Variants in ZDHHC14 observed in about 807,000 individuals in gnomAD.
ZDHHC14 encodes palmitoyltransferase ZDHHC14.
In ZDHHC14, 16 loss-of-function variants were observed where a neutral mutation model predicts 47.7. The ratio of observed to expected loss-of-function variants is 0.34; its 90% CI spans 0.23 to 0.51. ZDHHC14 has a LOEUF of 0.51. Among genes scored for constraint, ZDHHC14 ranks in the 20% least tolerant of loss-of-function variants. ZDHHC14 has a pLI of 0.97. For missense variants in ZDHHC14, 515 were observed against 662.5 expected (o/e 0.78, Z 2.44); for synonymous variants, 293 against 278.9 (o/e 1.05, Z -0.50).
Position 157,391,902 on chromosome 6 carries a change from T to C in ZDHHC14, c.245+9636T>C, listed in dbSNP as rs562606453. Among the ~76,000 whole-genome samples, 26 of 152,392 alleles carry C rather than the reference T, an allele frequency of 1.7e-4. No individual in the cohort carries two copies. In the South Asian group the frequency reaches 5.4e-3, roughly 32 times the overall value. On this transcript the variant is annotated intron_variant, in intron 1 of 8. Transcript: ENST00000359775. ...GTATTTCTCGGATTCATTTATGTTT[T>C]TGCATATATATGTAATTCATTTTTA...
At chr6:157,407,880 C>T (rs916170213) in intron 1 of ZDHHC14, among the ~76,000 whole-genome samples, 3 of 152,170 alleles carry the variant, frequency 2.0e-5, no homozygotes, top group African/African-American at 7.2e-5. Context: ...AGTAAACTTA[C>T]CATGAACTTC....
At chr6:157,423,328 C>A (rs1241153640) in intron 1 of ZDHHC14, among the ~76,000 whole-genome samples, 1 of 152,142 alleles carries the variant, frequency 6.6e-6, no homozygotes, top group African/African-American at 2.4e-5. Flanking sequence ...TAGGAGGACT[C>A]TTGAAAATCC....
Position 157,502,460 on chromosome 6 carries a change from A to G in ZDHHC14, c.246-40125A>G, listed in dbSNP as rs1049115666. Among the ~76,000 whole-genome samples, 4 of 152,202 alleles carry G rather than the reference A, an allele frequency of 2.6e-5. No individual in the cohort carries two copies. The highest frequency in any genetic ancestry group is 2.6e-4 in the Admixed American group (4 of 15,278). The stretch of plus-strand genomic sequence containing the variant: ...TGAATGATCCTGTTCAAGGGTTTTC[A>G]AAACCTGCCTTGGAAAGAAAGTCCA... On this transcript the variant is annotated intron_variant, in intron 1 of 8. Coordinates refer to ENST00000359775, the MANE Select transcript of ZDHHC14 (RefSeq NM_024630.3). The surrounding 1 kb of genome is among the most constrained non-coding windows in gnomAD (Gnocchi z 4.0).
intron 7 of ZDHHC14, among the ~76,000 whole-genome samples, chr6:157,650,651 AAGAG>A (rs66554628): frequency 0.22 from 32,685 of 145,438 alleles, 3,633 homozygotes; most frequent in African/African-American, 0.29. Flanking sequence ...TTAAAAAAAA[AAGAG>A]AGAGAGAGAG....
chr6:157,627,579 G>A (rs576000687), intron 3 of ZDHHC14, among the ~76,000 whole-genome samples: 1 of 152,322 alleles, frequency 6.6e-6, no homozygotes, highest in Admixed American at 6.5e-5. Flanking sequence ...GGTACCATGG[G>A]TAACCATGTG....
intron 3 of ZDHHC14, among the ~76,000 whole-genome samples, chr6:157,609,966 A>G (rs34192579): frequency 0.7 from 107,114 of 152,190 alleles, 38,141 homozygotes; most frequent in African/African-American, 0.8. Flanking sequence ...CTCACAACAT[A>G]CTTTTTGGAA....
chr6:157,617,059 C>T (rs1369970188), intron 3 of ZDHHC14, among the ~76,000 whole-genome samples: 2 of 152,164 alleles, frequency 1.3e-5, no homozygotes, highest in African/African-American at 2.4e-5. Context: ...GAATGGCAGC[C>T]TCATGGAAAG....
At chr6:157,466,137 CA>C (rs1020754132) in intron 1 of ZDHHC14, among the ~76,000 whole-genome samples, 1 of 152,204 alleles carries the variant, frequency 6.6e-6, no homozygotes, top group Admixed American at 6.5e-5. Context: ...GCCTGATCCT[CA>C]GCTGCCTCTC....
In ZDHHC14 at chr6:157,647,164, T is replaced by C. The variant is rs755092542; in HGVS notation, c.856-95T>C. 231 of 803,730 alleles carry C rather than the reference T, an allele frequency of 2.9e-4. 1 individual carries two copies. Among genetic ancestry groups the C allele is most frequent in the Non-Finnish European group, 4.5e-4 (225 of 500,602 alleles). The allele number at this position is 803,730 out of a possible 1,614,324, so 49.8% of individuals were successfully genotyped here. On this transcript the variant is annotated intron_variant, in intron 6 of 8. Transcript: ENST00000359775. The stretch of plus-strand genomic sequence containing the variant: ...CTCCATTTCTTTGGATTAAAGATGA[T>C]TTGCATTCTTTATGAGCCTCTCATG...
rs567923482 is a variant in ZDHHC14, at chr6:157,557,715, T to C, written c.406+14970T>C. On this transcript the variant is annotated intron_variant, in intron 2 of 8. Transcript: ENST00000359775. The stretch of plus-strand genomic sequence containing the variant: ...TCTGCAGACTTCCTCGTTTCATTTC[T>C]GTAACCACTGAGAGGAGTGTGAGCA... Among the ~76,000 whole-genome samples the C allele has an allele frequency of 6.6e-5, 10 of 152,350 alleles. No homozygotes were observed. The South Asian group carries it at 2.1e-3, about 32-fold the overall frequency.
intron 8 of ZDHHC14, among the ~76,000 whole-genome samples, chr6:157,655,397 C>T (rs990258699): frequency 1.3e-5 from 2 of 152,180 alleles, no homozygotes; most frequent in African/African-American, 4.8e-5. Flanking sequence ...TCAAAACTAG[C>T]CTGGCGACTC....
Position 157,673,154 on chromosome 6 carries a change from G to A in ZDHHC14, c.*32G>A, listed in dbSNP as rs759823234. 1 of 1,537,614 alleles carries A rather than the reference G, an allele frequency of 6.5e-7. No homozygotes were observed. Among genetic ancestry groups the A allele is most frequent in the South Asian group, 1.2e-5 (1 of 82,652 alleles). On this transcript the variant is annotated 3_prime_UTR_variant, in exon 9 of 9. Transcript: ENST00000359775. This position sits in a 1 kb window ranked among gnomAD's most constrained non-coding sequence, Gnocchi z 5.4. ...TGGCCCCAGGCCGGGGGACACCAGAGGCTCCTCCATGGGCAGCAGGAGTGA... is the reference window on the plus strand; with the variant it reads ...TGGCCCCAGGCCGGGGGACACCAGAAGCTCCTCCATGGGCAGCAGGAGTGA...
rs1486934751 is a variant in ZDHHC14, at chr6:157,676,172, A to T, written c.*3050A>T. ...CGGGAGGGCCCCAGGAAGCAGGGGG[A>T]TGCTGCAGGAAGGTGGCAGACAGAC... On this transcript the variant is annotated 3_prime_UTR_variant, in exon 9 of 9. Transcript: ENST00000359775. The T allele has an allele frequency of 6.6e-6, 1 of 152,258 alleles. No individual in the cohort carries two copies. The highest frequency in any genetic ancestry group is 1.5e-5 in the Non-Finnish European group (1 of 68,062). The allele number at this position is 152,258 out of a possible 1,614,324, so 9.4% of individuals were successfully genotyped here.
At chr6:157,499,800 T>C (rs1471495510) in intron 1 of ZDHHC14, among the ~76,000 whole-genome samples, 1 of 152,218 alleles carries the variant, frequency 6.6e-6, no homozygotes, top group Non-Finnish European at 1.5e-5. Flanking sequence ...AGGGATGTGT[T>C]TGAATTTTAT....
intron 1 of ZDHHC14, among the ~76,000 whole-genome samples, chr6:157,403,619 A>C (rs1583615892): frequency 6.6e-6 from 1 of 152,348 alleles, no homozygotes; most frequent in East Asian, 1.9e-4. Flanking sequence ...CTTTGGGAAG[A>C]CACATTCCCA....
rs1777859501 is a variant in ZDHHC14 at position 157,410,916 on chromosome 6, C to T, written c.245+28650C>T. Among the ~76,000 whole-genome samples the T allele has an allele frequency of 2.0e-5, 3 of 152,202 alleles. No individual in the cohort carries two copies. In the South Asian group the frequency reaches 6.2e-4, roughly 32 times the overall value. On this transcript the variant is annotated intron_variant, in intron 1 of 8. Coordinates refer to ENST00000359775, the MANE Select transcript of ZDHHC14 (RefSeq NM_024630.3). ...TTCACCATGTTGGCCAGGATGGTCT[C>T]GATCTTCTGACCTCGTGATCTGCCC...
chr6:157,526,088 C>G (rs1781142952), intron 1 of ZDHHC14, among the ~76,000 whole-genome samples: 2 of 152,194 alleles, frequency 1.3e-5, no homozygotes, highest in Non-Finnish European at 2.9e-5. Context: ...AAACAAGAAA[C>G]AGCAGGGAAG....
At chr6:157,652,874 C>T (rs1777904143) in intron 7 of ZDHHC14, among the ~76,000 whole-genome samples, 1 of 152,048 alleles carries the variant, frequency 6.6e-6, no homozygotes, top group Non-Finnish European at 1.5e-5. Flanking sequence ...AGCTTGATTG[C>T]AGGCAGAAAG....
intron 1 of ZDHHC14, among the ~76,000 whole-genome samples, chr6:157,448,215 T>C (rs766865919): frequency 6.6e-5 from 10 of 152,152 alleles, no homozygotes; most frequent in Non-Finnish European, 1.5e-4. Flanking sequence ...GTAACTGTAG[T>C]GCTTAAGGTC....
Sources: allele counts gnomAD v4.1 joint callset (sites outside exome capture counted in the v4.1 genomes callset), GRCh38; gene constraint gnomAD v4.1.1; non-coding constraint Gnocchi (gnomAD v3.1); transcripts MANE v1.5; gene names NCBI Gene and HGNC (gene_info 2026-07-23, HGNC 2026-07-21).